ASCL2: variants seen among roughly 807,000 people sequenced by gnomAD.
ASCL2 encodes the protein achaete-scute homolog 2.
In ASCL2, 6 loss-of-function variants were observed where a neutral mutation model predicts 5.1. The observed-to-expected ratio is 1.17, with a 90% CI of 0.64 to 2.31. The LOEUF (loss-of-function observed/expected upper bound fraction) is 2.31, where lower values mean the gene tolerates loss of function less well. ASCL2 is among the 30% of genes most tolerant of loss of function. ASCL2 has a pLI of 0.00. For missense variants in ASCL2, 320 were observed against 310.3 expected (o/e 1.03, Z -0.23); for synonymous variants, 174 against 157.3 (o/e 1.11, Z -0.80).
At position 2,269,142 on chromosome 11, in the gene ASCL2, G is replaced by A. The variant is rs1847217968; in HGVS notation, c.*19-16C>T. On this transcript the variant is annotated splice_polypyrimidine_tract_variant and intron_variant, in intron 1 of 1. Coordinates refer to ENST00000331289, the MANE Select transcript of ASCL2 (RefSeq NM_005170.3). ...GGGGCTGAGGCTGCGGGGGGAAGGT[G>A]GGGAACCAAACGCGCGTCAACGCGG... 1 of 152,002 alleles carries A rather than the reference G, an allele frequency of 6.6e-6. No individual in the cohort carries two copies. Among genetic ancestry groups the A allele is most frequent in the African/African-American group, 2.4e-5 (1 of 41,414 alleles). The allele number at this position is 152,002 out of a possible 1,614,324, so 9.4% of individuals were successfully genotyped here.
Position 2,269,736 on chromosome 11 carries a change from A to C in ASCL2, c.*15T>G. ...CTCCCTGCCTCCCGGCTGTTACCTC[A>C]TAGGTCGAGGGCGCTCAGTAGCCCC... On this transcript the variant is annotated 3_prime_UTR_variant, in exon 1 of 2. Coordinates refer to ENST00000331289, the MANE Select transcript of ASCL2 (RefSeq NM_005170.3). 7.5e-7 allele frequency: 1 copy of C among 1,336,164 alleles called. No homozygotes were observed. The highest frequency in any genetic ancestry group is 9.6e-7 in the Non-Finnish European group (1 of 1,036,618). 82.8% of individuals were successfully genotyped at this position (1,336,164 alleles called of 1,614,324 possible). A position where few individuals can be genotyped will look rare whatever the true frequency, so the allele number is the denominator to read the frequency against.
At chr11:2,269,671 GCCCACCCC>G in intron 1 of ASCL2, 54 bp downstream of exon 1, 1 of 1,042,588 alleles carries the variant, frequency 9.6e-7, no homozygotes. Flanking sequence ...CGCCGGGCCT[GCCCACCCC>G]GTCCCTCCAC....
rs1847237513 is a variant in ASCL2 at position 2,270,458 on chromosome 11, A to C, written c.-126T>G. ...GGCTTCTGGCACGGCGCCGCCAGGC[A>C]ACTCCCCAGGGCACGCGTCCTAGGT... On this transcript the variant is annotated 5_prime_UTR_variant, in exon 1 of 2. Coordinates refer to ENST00000331289, the MANE Select transcript of ASCL2 (RefSeq NM_005170.3). 8.0e-7 allele frequency: 1 copy of C among 1,254,472 alleles called. No homozygotes were observed. The highest frequency in any genetic ancestry group is 1.0e-6 in the Non-Finnish European group (1 of 994,370). 77.7% of individuals were successfully genotyped at this position (1,254,472 alleles called of 1,614,324 possible). A position where few individuals can be genotyped will look rare whatever the true frequency, so the allele number is the denominator to read the frequency against.
chr11:2,270,174 C>T lies in ASCL2; in HGVS notation c.159G>A (p.Ala53=), dbSNP rs767953362. 9.3e-6 allele frequency: 14 copies of T among 1,509,284 alleles called. No individual in the cohort carries two copies. The highest frequency in any genetic ancestry group is 6.2e-5 in the South Asian group (5 of 81,126). The allele number at this position is 1,509,284 out of a possible 1,614,324, so 93.5% of individuals were successfully genotyped here. A position where few individuals can be genotyped will look rare whatever the true frequency, so the allele number is the denominator to read the frequency against. Residue 53 remains alanine (A), a synonymous_variant, in exon 1 of 2, where the codon GCG becomes GCA. Coordinates refer to ENST00000331289, the MANE Select transcript of ASCL2 (RefSeq NM_005170.3). The part of the protein sequence containing the change: ...AETGGGAAAV[A]RRNERERNRV... Reference sequence around the variant, plus strand: ...GGTTGCGCTCGCGCTCATTGCGCCGCGCTACGGCCGCTGCGCCGCCTCCGG... The same window carrying T: ...GGTTGCGCTCGCGCTCATTGCGCCGTGCTACGGCCGCTGCGCCGCCTCCGG...
chr11:2,269,829 G>T lies in ASCL2; in HGVS notation c.504C>A (p.Asp168Glu), dbSNP rs780516427. The T allele has an allele frequency of 7.1e-6, 10 of 1,407,754 alleles. No homozygotes were observed. The South Asian group carries it at 1.4e-4, about 20-fold the overall frequency. 87.2% of individuals were successfully genotyped at this position (1,407,754 alleles called of 1,614,324 possible). A position where few individuals can be genotyped will look rare whatever the true frequency, so the allele number is the denominator to read the frequency against. Residue 168 changes from aspartate to glutamate, a missense_variant, in exon 1 of 2, where the codon GAC (aspartate) becomes GAA (glutamate). Coordinates refer to ENST00000331289, the MANE Select transcript of ASCL2 (RefSeq NM_005170.3). ...PGSPRSAYSS[D>E]DSGCEGALSP... ...TCAGCGCGCCTTCGCAGCCGCTGTC[G>T]TCCGACGAGTAGGCGGAACGCGGGG...
intron 1 of ASCL2, among the ~76,000 whole-genome samples, chr11:2,269,460 C>A (rs925536634): frequency 1.3e-5 from 2 of 152,186 alleles, no homozygotes; most frequent in Non-Finnish European, 2.9e-5. Context: ...GAGACCTCAA[C>A]GGCCCGACGG....
In ASCL2 at chr11:2,270,005, C is replaced by A. The variant is rs1184438850; in HGVS notation, c.328G>T (p.Asp110Tyr). Residue 110 changes from aspartate to tyrosine, a missense_variant, in exon 1 of 2, where the codon GAC (aspartate) becomes TAC (tyrosine). Physicochemically the swap from Asp to Tyr is radical, Grantham distance 160 (BLOSUM62 -3). Coordinates refer to ENST00000331289, the MANE Select transcript of ASCL2 (RefSeq NM_005170.3). ...CCCGCCAGCGCGTTGCGCACGGCGT[C>A]GTGCTCGGCCAGCAGGCGCTGCAGC... ...RALQRLLAEHDAVRNALAGGL... is the reference protein window; with the variant it reads ...RALQRLLAEHYAVRNALAGGL... 1.5e-6 allele frequency: 2 copies of A among 1,364,528 alleles called. No homozygotes were observed. Among genetic ancestry groups the A allele is most frequent in the Non-Finnish European group, 1.9e-6 (2 of 1,057,354 alleles). 84.5% of individuals were successfully genotyped at this position (1,364,528 alleles called of 1,614,324 possible).
chr11:2,269,724 G>A lies in ASCL2; in HGVS notation c.*18+9C>T. On this transcript the variant is annotated intron_variant, in intron 1 of 1. Coordinates refer to ENST00000331289, the MANE Select transcript of ASCL2 (RefSeq NM_005170.3). ...CGGCCCTCCCTCCTCCCTGCCTCCC[G>A]GCTGTTACCTCATAGGTCGAGGGCG... 1 of 957,680 alleles carries A rather than the reference G, an allele frequency of 1.0e-6. No individual in the cohort carries two copies. The highest frequency in any genetic ancestry group is 2.7e-5 in the South Asian group (1 of 36,562). 59.3% of individuals were successfully genotyped at this position (957,680 alleles called of 1,614,324 possible). A position where few individuals can be genotyped will look rare whatever the true frequency, so the allele number is the denominator to read the frequency against.
Position 2,270,155 on chromosome 11 carries a change from G to T in ASCL2, c.178C>A (p.Arg60Ser). 1.3e-6 allele frequency: 2 copies of T among 1,524,780 alleles called. No homozygotes were observed. The highest frequency in any genetic ancestry group is 8.7e-7 in the Non-Finnish European group (1 of 1,143,930). The allele number at this position is 1,524,780 out of a possible 1,614,324, so 94.5% of individuals were successfully genotyped here. ...AAGTTCACCAGCTTCACGCGGTTGC[G>T]CTCGCGCTCATTGCGCCGCGCTACG... Reference protein sequence around the residue: ...AAVARRNERERNRVKLVNLGF... With the variant: ...AAVARRNERESNRVKLVNLGF... The change falls in exon 1 of 2, where the codon CGC becomes AGC. Residue 60 changes from arginine to serine, a missense_variant. Physicochemically the swap from Arg to Ser is moderately radical, Grantham distance 110. Transcript: ENST00000331289.
In ASCL2 at chr11:2,269,033, C is replaced by A. The variant is rs1358416967; in HGVS notation, c.*112G>T. The A allele has an allele frequency of 6.6e-6, 1 of 151,724 alleles. No homozygotes were observed. The highest frequency in any genetic ancestry group is 1.5e-5 in the Non-Finnish European group (1 of 67,876). The allele number at this position is 151,724 out of a possible 1,614,324, so 9.4% of individuals were successfully genotyped here. ...CGGTGCGGGGGGTGGTGGGTGGGTC[C>A]CCGGCTCGCTGGGGGCGGAGCGCGG... On this transcript the variant is annotated 3_prime_UTR_variant, in exon 2 of 2. Transcript: ENST00000331289.
chr11:2,270,361 G>GT lies in ASCL2; in HGVS notation c.-30dup. 1.6e-6 allele frequency: 2 copies of GT among 1,269,236 alleles called. No homozygotes were observed. Among genetic ancestry groups the GT allele is most frequent in the Non-Finnish European group, 2.0e-6 (2 of 1,009,302 alleles). 78.6% of individuals were successfully genotyped at this position (1,269,236 alleles called of 1,614,324 possible). A position where few individuals can be genotyped will look rare whatever the true frequency, so the allele number is the denominator to read the frequency against. Reference sequence around the variant, plus strand: ...GCCTGCATCCACCCGCCCGCTCCAGGTCCCGGCGCGCCGCAGGAAGGTGCA... The same window carrying GT: ...GCCTGCATCCACCCGCCCGCTCCAGGTTCCCGGCGCGCCGCAGGAAGGTGCA... On this transcript the variant is annotated 5_prime_UTR_variant, in exon 1 of 2. Coordinates refer to ENST00000331289, the MANE Select transcript of ASCL2 (RefSeq NM_005170.3).
At chr11:2,269,473 G>GCTCCC (rs1390756211) in intron 1 of ASCL2, among the ~76,000 whole-genome samples, 1 of 152,134 alleles carries the variant, frequency 6.6e-6, no homozygotes, top group Non-Finnish European at 1.5e-5. Context: ...CCCGACGGCC[G>GCTCCC]CTCCCCTCCC....
At position 2,268,511 on chromosome 11, in the gene ASCL2, T is replaced by G. The variant is rs1164484483; in HGVS notation, c.*634A>C. The G allele has an allele frequency of 6.6e-6, 1 of 152,240 alleles. No homozygotes were observed. Among genetic ancestry groups the G allele is most frequent in the Non-Finnish European group, 1.5e-5 (1 of 68,068 alleles). 9.4% of individuals were successfully genotyped at this position (152,240 alleles called of 1,614,324 possible). A position where few individuals can be genotyped will look rare whatever the true frequency, so the allele number is the denominator to read the frequency against. On this transcript the variant is annotated 3_prime_UTR_variant, in exon 2 of 2. Transcript: ENST00000331289. The surrounding 1 kb of genome is among the most constrained non-coding windows in gnomAD (Gnocchi z 4.5). Reference sequence around the variant, plus strand: ...AGGAGCCACTGGTAAACAGAACTGATTTATTTATAAAGTTCACGCTCCCTT... The same window carrying G: ...AGGAGCCACTGGTAAACAGAACTGAGTTATTTATAAAGTTCACGCTCCCTT...
In ASCL2 at chr11:2,269,757, G is replaced by A; in HGVS notation, c.576C>T (p.Gly192=). 1 of 1,423,654 alleles carries A rather than the reference G, an allele frequency of 7.0e-7. No homozygotes were observed. The highest frequency in any genetic ancestry group is 1.5e-5 in the African/African-American group (1 of 66,940). The allele number at this position is 1,423,654 out of a possible 1,614,324, so 88.2% of individuals were successfully genotyped here. ...ELLDFSSWLG[G]Y ...CCTCATAGGTCGAGGGCGCTCAGTA[G>A]CCCCCTAACCAGCTGGAGAAGTCGA... The change falls in exon 1 of 2, where the codon GGC becomes GGT. Residue 192 remains glycine, a synonymous_variant. Transcript: ENST00000331289.
In ASCL2 at chr11:2,269,871, GC is replaced by G. The variant is rs1233059351; in HGVS notation, c.461del (p.Gly154AlafsTer23). 7.4e-6 allele frequency: 10 copies of G among 1,344,390 alleles called. No homozygotes were observed. Among genetic ancestry groups the G allele is most frequent in the South Asian group, 3.9e-5 (2 of 51,894 alleles). The allele number at this position is 1,344,390 out of a possible 1,614,324, so 83.3% of individuals were successfully genotyped here. A position where few individuals can be genotyped will look rare whatever the true frequency, so the allele number is the denominator to read the frequency against. On this transcript the variant is annotated frameshift_variant, in exon 1 of 2. Transcript: ENST00000331289. LOFTEE classifies it low-confidence loss of function (END_TRUNC). The part of the protein sequence containing the change: ...SRASSSPGRG[G>X]SSEPGSPRSA... ...AACGCGGGGAGCCGGGCTCCGAGCT[GC>G]CCCCGCGGCCCGGGGACGAAGAAGC... is the stretch of plus-strand genomic sequence containing the variant.
rs1317103644 is a variant in ASCL2, at chr11:2,270,374, G to A, written c.-42C>T. ...CGCCCGCTCCAGGTCCCGGCGCGCC[G>A]CAGGAAGGTGCAGGCAGAGGAACCG... On this transcript the variant is annotated 5_prime_UTR_variant, in exon 1 of 2. Coordinates refer to ENST00000331289, the MANE Select transcript of ASCL2 (RefSeq NM_005170.3). The A allele has an allele frequency of 3.9e-6, 5 of 1,268,050 alleles. No individual in the cohort carries two copies. The highest frequency in any genetic ancestry group is 5.0e-6 in the Non-Finnish European group (5 of 1,007,982). The allele number at this position is 1,268,050 out of a possible 1,614,324, so 78.5% of individuals were successfully genotyped here. A position where few individuals can be genotyped will look rare whatever the true frequency, so the allele number is the denominator to read the frequency against.
At position 2,270,368 on chromosome 11, in the gene ASCL2, CGCGCCGCAGGAAG is replaced by C; in HGVS notation, c.-49_-37del. The C allele has an allele frequency of 1.6e-6, 2 of 1,268,326 alleles. No homozygotes were observed. The highest frequency in any genetic ancestry group is 2.0e-6 in the Non-Finnish European group (2 of 1,008,492). The allele number at this position is 1,268,326 out of a possible 1,614,324, so 78.6% of individuals were successfully genotyped here. ...TCCACCCGCCCGCTCCAGGTCCCGGCGCGCCGCAGGAAGGTGCAGGCAGAGGAACCGGAGGCGA... is the reference window on the plus strand; with the variant it reads ...TCCACCCGCCCGCTCCAGGTCCCGGCGTGCAGGCAGAGGAACCGGAGGCGA... On this transcript the variant is annotated 5_prime_UTR_variant, in exon 1 of 2. Transcript: ENST00000331289.
Position 2,269,957 on chromosome 11 carries a change from G to A in ASCL2, c.376C>T (p.Arg126Trp), listed in dbSNP as rs1166418838. ...GGCGGCCCGCGGGGCGCAGACGGCC[G>A]CACGGCCTGCGGCCTCAGCCCTCCC... ...LAGGLRPQAV[R>W]PSAPRGPPGT... The change falls in exon 1 of 2, where the codon CGG (arginine) becomes TGG (tryptophan). Residue 126 changes from arginine to tryptophan, a missense_variant. Physicochemically the swap from Arg to Trp is moderately radical, Grantham distance 101. Transcript: ENST00000331289. The A allele has an allele frequency of 1.6e-6, 2 of 1,288,012 alleles. No homozygotes were observed. The highest frequency in any genetic ancestry group is 9.8e-7 in the Non-Finnish European group (1 of 1,016,706). 79.8% of individuals were successfully genotyped at this position (1,288,012 alleles called of 1,614,324 possible). A position where few individuals can be genotyped will look rare whatever the true frequency, so the allele number is the denominator to read the frequency against.
rs1590199523 is a variant in ASCL2, at chr11:2,269,953, G to C, written c.380C>G (p.Pro127Arg). Residue 127 changes from proline to arginine, a missense_variant, in exon 1 of 2, where the codon CCG becomes CGG. Pro to Arg is a moderately radical substitution (Grantham distance 103). Coordinates refer to ENST00000331289, the MANE Select transcript of ASCL2 (RefSeq NM_005170.3). ...AGGLRPQAVR[P>R]SAPRGPPGTT... is the part of the protein sequence containing the mutation. ...CCCTGGCGGCCCGCGGGGCGCAGAC[G>C]GCCGCACGGCCTGCGGCCTCAGCCC... 4 of 1,285,520 alleles carry C rather than the reference G, an allele frequency of 3.1e-6. No individual in the cohort carries two copies. The highest frequency in any genetic ancestry group is 3.9e-6 in the Non-Finnish European group (4 of 1,015,036). The allele number at this position is 1,285,520 out of a possible 1,614,324, so 79.6% of individuals were successfully genotyped here. A position where few individuals can be genotyped will look rare whatever the true frequency, so the allele number is the denominator to read the frequency against.
Sources: gnomAD v4.1 joint callset for allele counts (sites outside exome capture counted in the v4.1 genomes callset) on GRCh38, gnomAD v4.1.1 for gene constraint, Gnocchi (gnomAD v3.1) non-coding constraint, MANE v1.5 for transcripts, NCBI Gene and HGNC (gene_info 2026-07-23, HGNC 2026-07-21) for gene names.